Variants in GPC5 observed in about 807,000 individuals in gnomAD.
GPC5 encodes glypican 5.
GPC5 carries 47 observed loss-of-function variants against 53.9 expected under a neutral mutation model. The observed-to-expected ratio is 0.87, with a 90% CI of 0.69 to 1.11. The LOEUF is 1.11. Among genes scored for constraint, GPC5 ranks in the 50% most tolerant of loss-of-function variants. GPC5 has a pLI of 0.00. For synonymous variants in GPC5, 286 were observed against 263.3 expected, an observed-to-expected ratio of 1.09 and a Z score of -0.84; for missense variants, 748 against 713.1, an observed-to-expected ratio of 1.05 and a Z score of -0.56.
chr13:92,181,293 CTACTAAATTAAAGTAAACCCAAACAAGG>C (rs1340971017), intron 7 of GPC5, among the ~76,000 whole-genome samples: 16 of 152,130 alleles, frequency 1.1e-4, no homozygotes, highest in Non-Finnish European at 1.9e-4. Context: ...TAATTTCTTG[CTACTAAATTAAAGTAAACCCAAACAAGG>C]TACTATCACT....
intron 7 of GPC5, among the ~76,000 whole-genome samples, chr13:92,223,561 T>C (rs2042464003): frequency 1.3e-5 from 2 of 152,168 alleles, no homozygotes; most frequent in South Asian, 4.1e-4. Context: ...ATATTTCTTA[T>C]GATAGAAAGT....
Position 92,820,626 on chromosome 13 carries a change from C to CTTCAAACTTGATATTATTGCTA in GPC5, c.1562-45655_1562-45634dup, listed in dbSNP as rs1248391558. Among the ~76,000 whole-genome samples the CTTCAAACTTGATATTATTGCTA allele has an allele frequency of 9.8e-5, 15 of 152,292 alleles. No individual in the cohort carries two copies. The East Asian group carries it at 2.7e-3, about 28-fold the overall frequency. ...TCCTGCTTCCCTCTCCCTTGTCCCA[C>CTTCAAACTTGATATTATTGCTA]TTCAAACTTGATATTATTGCTAGGC... On this transcript the variant is annotated intron_variant, in intron 7 of 7. Coordinates refer to ENST00000377067, the MANE Select transcript of GPC5 (RefSeq NM_004466.6).
chr13:91,686,531 A>T (rs2139769011), intron 2 of GPC5, among the ~76,000 whole-genome samples: 1 of 152,136 alleles, frequency 6.6e-6, no homozygotes, highest in Non-Finnish European at 1.5e-5. Flanking sequence ...ACAAGGGAAA[A>T]TTCAGTATAA....
chr13:91,892,798 T>TTAGTGAG (rs1473831499), intron 5 of GPC5, among the ~76,000 whole-genome samples: 1 of 151,964 alleles, frequency 6.6e-6, no homozygotes, highest in Admixed American at 6.5e-5. Flanking sequence ...ACCCTGACAT[T>TTAGTGAG]TAGTGAGTAT....
chr13:91,812,668 C>T (rs2038332221), intron 5 of GPC5, among the ~76,000 whole-genome samples: 1 of 152,070 alleles, frequency 6.6e-6, no homozygotes, highest in African/African-American at 2.4e-5. Flanking sequence ...TCACAGTTTC[C>T]TGTGTTGTTT....
intron 2 of GPC5, among the ~76,000 whole-genome samples, chr13:91,636,684 G>A (rs773195995): frequency 2.0e-5 from 3 of 152,158 alleles, no homozygotes; most frequent in Non-Finnish European, 4.4e-5. Flanking sequence ...ACCAAGTGCA[G>A]TGACTCATGC....
intron 7 of GPC5, among the ~76,000 whole-genome samples, chr13:92,529,893 G>A (rs886989121): frequency 6.6e-6 from 1 of 151,924 alleles, no homozygotes; most frequent in Non-Finnish European, 1.5e-5. Flanking sequence ...GACCAACCTG[G>A]GCAACATGGA....
chr13:92,267,130 T>A (rs1220937707), intron 7 of GPC5, among the ~76,000 whole-genome samples: 1 of 152,140 alleles, frequency 6.6e-6, no homozygotes, highest in East Asian at 1.9e-4. Context: ...CATGTAAACT[T>A]CAAATAAAAT....
At chr13:92,411,257 G>A (rs867711868) in intron 7 of GPC5, among the ~76,000 whole-genome samples, 4 of 152,032 alleles carry the variant, frequency 2.6e-5, no homozygotes, top group Non-Finnish European at 5.9e-5. Context: ...GTGACATAGC[G>A]AGACTCTATC....
At chr13:92,728,875 A>C (rs1197975452) in intron 7 of GPC5, among the ~76,000 whole-genome samples, 5 of 151,414 alleles carry the variant, frequency 3.3e-5, no homozygotes, top group Non-Finnish European at 7.4e-5. Flanking sequence ...TAGGAACTGG[A>C]AATAGTACAT....
intron 6 of GPC5, among the ~76,000 whole-genome samples, chr13:92,121,053 C>T (rs2041645036): frequency 6.6e-6 from 1 of 152,160 alleles, no homozygotes; most frequent in African/African-American, 2.4e-5. Context: ...TAGAGATGCC[C>T]ACAGCCCCTC....
At chr13:92,800,882 T>C (rs554720156) in intron 7 of GPC5, among the ~76,000 whole-genome samples, 1 of 151,944 alleles carries the variant, frequency 6.6e-6, no homozygotes, top group Admixed American at 6.6e-5. Flanking sequence ...ACTATCCTTT[T>C]AACCCTTTTA....
chr13:91,979,930 C>A (rs2040342374), intron 6 of GPC5, among the ~76,000 whole-genome samples: 1 of 152,186 alleles, frequency 6.6e-6, no homozygotes, highest in South Asian at 2.1e-4. Flanking sequence ...TCACTTAACA[C>A]AACACTTTGC....
At chr13:91,567,679 T>C (rs1566511243) in intron 2 of GPC5, among the ~76,000 whole-genome samples, 1 of 152,194 alleles carries the variant, frequency 6.6e-6, no homozygotes, top group Non-Finnish European at 1.5e-5. Flanking sequence ...ATACAGACTT[T>C]AGTTGTTTGT....
At chr13:92,339,439 G>A (rs968672672) in intron 7 of GPC5, among the ~76,000 whole-genome samples, 8 of 151,936 alleles carry the variant, frequency 5.3e-5, no homozygotes, top group Non-Finnish European at 7.4e-5. Context: ...GGATAAGACG[G>A]GCTCATCTTA....
chr13:91,950,473 G>C (rs917531423), intron 6 of GPC5, among the ~76,000 whole-genome samples: 9 of 150,908 alleles, frequency 6.0e-5, no homozygotes, highest in Non-Finnish European at 1.2e-4. Flanking sequence ...TCTACCTTCT[G>C]TGCTGTCTAA....
At chr13:91,469,132 A>G (rs1882438896) in intron 2 of GPC5, among the ~76,000 whole-genome samples, 1 of 151,512 alleles carries the variant, frequency 6.6e-6, no homozygotes, top group South Asian at 2.1e-4. Flanking sequence ...TTTTTGAGAC[A>G]TAGTCTTGCT....
chr13:91,863,117 T>C (rs1387696871), intron 5 of GPC5, among the ~76,000 whole-genome samples: 1 of 149,998 alleles, frequency 6.7e-6, no homozygotes, highest in African/African-American at 2.4e-5. Flanking sequence ...TTTGAATGCC[T>C]CCATTTAGGT....
chr13:91,730,387 G>T (rs995848697), intron 4 of GPC5, among the ~76,000 whole-genome samples: 12 of 152,102 alleles, frequency 7.9e-5, no homozygotes, highest in Non-Finnish European at 1.5e-4. Flanking sequence ...CGTGTGCCTT[G>T]TTCTTTCTCT....
Sources: allele counts gnomAD v4.1 joint callset (sites outside exome capture counted in the v4.1 genomes callset), GRCh38; gene constraint gnomAD v4.1.1; transcripts MANE v1.5; gene names NCBI Gene and HGNC (gene_info 2026-07-23, HGNC 2026-07-21).